The following TFEC variants were observed in gnomAD, a reference collection of about 807,000 sequenced individuals.
TFEC encodes class E basic helix-loop-helix protein 34.
Under a neutral mutation model 41.6 loss-of-function variants are expected in TFEC, and 31 were observed. That is an observed-to-expected ratio of 0.74 (90% CI 0.56 to 1.01). TFEC has a LOEUF of 1.01. TFEC is among the 50% of genes least tolerant of loss of function. The pLI, the probability that TFEC is intolerant of heterozygous loss-of-function variation, is 0.00. For synonymous variants in TFEC, 143 were observed against 140.6 expected, an observed-to-expected ratio of 1.02 and a Z score of -0.12; for missense variants, 402 against 404.1, an observed-to-expected ratio of 0.99 and a Z score of 0.04.
chr7:116,132,469 C>T (rs1798352202), intron 1 of TFEC, among the ~76,000 whole-genome samples: 1 of 152,074 alleles, frequency 6.6e-6, no homozygotes, highest in African/African-American at 2.4e-5. Flanking sequence ...TGAATATGCT[C>T]AAGGATCAGG....
At chr7:115,942,077 A>G (rs1793536548) in intron 6 of TFEC, 37 bp from the exon 7 acceptor site, 1 of 1,559,688 alleles carries the variant, frequency 6.4e-7, no homozygotes, top group Non-Finnish European at 8.7e-7. Context: ...ACAATTGTGC[A>G]TGTCAGCAGA....
chr7:115,949,627 T>C (rs1233054496), intron 6 of TFEC, among the ~76,000 whole-genome samples: 1 of 151,996 alleles, frequency 6.6e-6, no homozygotes, highest in East Asian at 1.9e-4. Context: ...TAAATGGTGC[T>C]GGGAAAACTG....
intron 6 of TFEC, 45 bp downstream of exon 6, chr7:115,950,829 G>A (rs760608089): frequency 7.0e-7 from 1 of 1,436,050 alleles, no homozygotes. Context: ...CATTTTGGGG[G>A]TCTTTAAATT....
intron 3 of TFEC, among the ~76,000 whole-genome samples, chr7:115,970,461 T>C (rs1793083285): frequency 6.6e-6 from 1 of 151,966 alleles, no homozygotes; most frequent in African/African-American, 2.4e-5. Flanking sequence ...GTGAGTTTTT[T>C]TGTGTCTGTA....
intron 3 of TFEC, among the ~76,000 whole-genome samples, chr7:116,096,874 G>A (rs1237954365): frequency 6.6e-6 from 1 of 152,036 alleles, no homozygotes; most frequent in Non-Finnish European, 1.5e-5. Flanking sequence ...GGCAGATCAC[G>A]AAGTCAGGAA....
chr7:116,092,832 C>T lies in TFEC; in HGVS notation c.198+17876G>A, dbSNP rs1271508289. On this transcript the variant is annotated intron_variant, in intron 3 of 8. Transcript: ENST00000484212. ...AGTCACTGAGTAGTTAACCACTTGC[C>T]AGATTAGATCTCTAATCCTATGTCC... 5.3e-5 allele frequency among the ~76,000 whole-genome samples: 8 copies of T among 152,050 alleles called. No homozygotes were observed. The East Asian group carries it at 1.3e-3, about 26-fold the overall frequency.
intron 1 of TFEC, among the ~76,000 whole-genome samples, chr7:116,021,754 A>T (rs1373465561): frequency 1.3e-5 from 2 of 152,208 alleles, no homozygotes; most frequent in African/African-American, 4.8e-5. Flanking sequence ...TGGTTTTCTT[A>T]ACTGGTAATT....
chr7:115,946,624 C>T (rs910264309), intron 6 of TFEC, among the ~76,000 whole-genome samples: 6 of 45,762 alleles, frequency 1.3e-4, no homozygotes, highest in African/African-American at 4.6e-4. Context: ...TTCTTTCTTT[C>T]TCTCTCTCTC....
Position 115,937,482 on chromosome 7 carries a change from G to C in TFEC, c.*3069C>G, listed in dbSNP as rs1793286959. On this transcript the variant is annotated 3_prime_UTR_variant, in exon 8 of 8. Transcript: ENST00000265440. ...TTTAAATTCACACTATTTTTGTTTG[G>C]AAATTTATTTGCATCATTTCAAAAT... 6.6e-6 allele frequency: 1 copy of C among 151,424 alleles called. No homozygotes were observed. The highest frequency in any genetic ancestry group is 1.5e-5 in the Non-Finnish European group (1 of 67,666). 9.4% of individuals were successfully genotyped at this position (151,424 alleles called of 1,614,324 possible).
At chr7:116,054,332 A>G (rs1303710142) in intron 3 of TFEC, among the ~76,000 whole-genome samples, 1 of 152,178 alleles carries the variant, frequency 6.6e-6, no homozygotes, top group Non-Finnish European at 1.5e-5. Context: ...AAGATTATAA[A>G]GGAAGTGTAT....
chr7:115,978,413 T>C (rs994066460), intron 2 of TFEC, among the ~76,000 whole-genome samples: 1 of 152,192 alleles, frequency 6.6e-6, no homozygotes. Flanking sequence ...CTAAATCTGA[T>C]AGTTCAGCAC....
intron 2 of TFEC, among the ~76,000 whole-genome samples, chr7:116,111,255 T>C (rs1452793522): frequency 6.6e-6 from 1 of 151,970 alleles, no homozygotes; most frequent in Non-Finnish European, 1.5e-5. Context: ...AAAGTGGACA[T>C]GAACAAACCT....
At position 116,126,854 on chromosome 7, in the gene TFEC, T is replaced by C. The variant is rs1217779365; in HGVS notation, c.-68-14816A>G. 3.9e-5 allele frequency among the ~76,000 whole-genome samples: 6 copies of C among 152,082 alleles called. No homozygotes were observed. In the South Asian group the frequency reaches 1.2e-3, roughly 31 times the overall value. On this transcript the variant is annotated intron_variant, in intron 1 of 8. Coordinates refer to the TFEC transcript ENST00000484212. Reference sequence around the variant, plus strand: ...TGATACCTAAAGAACCACTGTCCCCTGGGTACACAAAACAACCTGTCCAGA... The same window carrying C: ...TGATACCTAAAGAACCACTGTCCCCCGGGTACACAAAACAACCTGTCCAGA...
chr7:116,040,173 A>G (rs79077449), intron 3 of TFEC, among the ~76,000 whole-genome samples: 27,527 of 152,028 alleles, frequency 0.18, 2,547 homozygotes, highest in East Asian at 0.33. Context: ...AAACATAGGA[A>G]AAACAAAGGA....
At chr7:116,098,378 C>A (rs1429625514) in intron 3 of TFEC, among the ~76,000 whole-genome samples, 1 of 151,976 alleles carries the variant, frequency 6.6e-6, no homozygotes, top group Non-Finnish European at 1.5e-5. Context: ...AGACTGGTCT[C>A]GGCGTGAACC....
chr7:116,137,027 C>CTGTTTAAAGT (rs1361040274), intron 1 of TFEC, among the ~76,000 whole-genome samples: 1 of 151,968 alleles, frequency 6.6e-6, no homozygotes, highest in Non-Finnish European at 1.5e-5. Flanking sequence ...TCAATATTTG[C>CTGTTTAAAGT]TGTTTAAAGT....
chr7:116,003,829 A>G (rs961449535), intron 1 of TFEC, among the ~76,000 whole-genome samples: 3 of 152,306 alleles, frequency 2.0e-5, no homozygotes, highest in Non-Finnish European at 4.4e-5. Flanking sequence ...TAACAAAAAG[A>G]TAGCTAAAAA....
intron 1 of TFEC, among the ~76,000 whole-genome samples, chr7:116,140,588 CAAT>C (rs1321380006): frequency 6.6e-6 from 1 of 152,140 alleles, no homozygotes; most frequent in African/African-American, 2.4e-5. Context: ...TAAACTAAAA[CAAT>C]GATGTATTGG....
At chr7:116,013,502 CA>C (rs1363125500) in intron 1 of TFEC, among the ~76,000 whole-genome samples, 1 of 152,092 alleles carries the variant, frequency 6.6e-6, no homozygotes, top group African/African-American at 2.4e-5. Context: ...GAATGCAAAA[CA>C]ATAGCCACAG....
Sources: allele counts gnomAD v4.1 joint callset (sites outside exome capture counted in the v4.1 genomes callset), GRCh38; gene constraint gnomAD v4.1.1; transcripts MANE v1.5; gene names NCBI Gene and HGNC (gene_info 2026-07-23, HGNC 2026-07-21).